The following SMOC1 variants were observed in gnomAD, a reference collection of about 807,000 sequenced individuals.
The protein encoded by SMOC1 is SPARC related modular calcium binding 1, also known as SPARC-related modular calcium-binding protein 1.
A neutral mutation model predicts 56.3 loss-of-function variants in SMOC1; 22 were observed. The ratio of observed to expected loss-of-function variants is 0.39; its 90% CI spans 0.28 to 0.56. SMOC1 has a LOEUF of 0.56. Ranked by LOEUF, SMOC1 falls within the 20% of genes least tolerant of loss-of-function variation. The pLI, the probability that SMOC1 is intolerant of heterozygous loss-of-function variation, is 0.61. For synonymous variants in SMOC1, 193 were observed against 215.0 expected (o/e 0.90, Z 0.89); for missense variants, 509 against 565.4 (o/e 0.90, Z 1.01).
rs187330303 is a variant in SMOC1, at chr14:69,974,310, G to A, written c.379-1405G>A. Among the ~76,000 whole-genome samples the A allele has an allele frequency of 5.3e-5, 8 of 152,110 alleles. No individual in the cohort carries two copies. The East Asian group carries it at 1.5e-3, about 29-fold the overall frequency. Reference sequence around the variant, plus strand: ...GCAGGGGAGGCTGGGACTGCTTTGAGGAGGTGTATCACAAAGGAGGAGGGG... The same window carrying A: ...GCAGGGGAGGCTGGGACTGCTTTGAAGAGGTGTATCACAAAGGAGGAGGGG... On this transcript the variant is annotated intron_variant, in intron 3 of 11. Transcript: ENST00000361956.
chr14:70,023,110 C>G lies in SMOC1; in HGVS notation c.1047-93C>G, dbSNP rs1277361627. On this transcript the variant is annotated intron_variant, in intron 10 of 11. Transcript: ENST00000361956. ...TTTGGCTTGGAGGAGCCGTTTCTACCTGACTTTCTGGGGGCAGTCATACCA... is the reference window on the plus strand; with the variant it reads ...TTTGGCTTGGAGGAGCCGTTTCTACGTGACTTTCTGGGGGCAGTCATACCA... 3 of 1,602,588 alleles carry G rather than the reference C, an allele frequency of 1.9e-6. No individual in the cohort carries two copies. The Admixed American group carries it at 5.0e-5, about 27-fold the overall frequency.
At chr14:69,942,981 C>T (rs1882623253) in intron 1 of SMOC1, among the ~76,000 whole-genome samples, 1 of 152,062 alleles carries the variant, frequency 6.6e-6, no homozygotes, top group Non-Finnish European at 1.5e-5. Flanking sequence ...CCCCTGGGCC[C>T]TGGCCCATCA....
chr14:69,915,115 G>T (rs1249760199), intron 1 of SMOC1, among the ~76,000 whole-genome samples: 2 of 152,100 alleles, frequency 1.3e-5, no homozygotes, highest in African/African-American at 4.8e-5. Context: ...TGATCCACCC[G>T]CTTCAGCCTC....
chr14:69,892,455 G>A (rs897945451), intron 1 of SMOC1, among the ~76,000 whole-genome samples: 6 of 152,286 alleles, frequency 3.9e-5, no homozygotes, highest in Middle Eastern at 3.4e-3. Context: ...AAGCTGTATC[G>A]GAAATGACAC....
chr14:69,904,252 G>A (rs1884347903), intron 1 of SMOC1, among the ~76,000 whole-genome samples: 1 of 152,208 alleles, frequency 6.6e-6, no homozygotes, highest in Admixed American at 6.5e-5. Context: ...CTTCTGTAAT[G>A]AACTAAACCT....
At chr14:70,022,029 T>C (rs1885744488) in intron 10 of SMOC1, among the ~76,000 whole-genome samples, 1 of 152,130 alleles carries the variant, frequency 6.6e-6, no homozygotes, top group Admixed American at 6.5e-5. Flanking sequence ...ACACTGAGGA[T>C]GTGAATGTGT....
At chr14:69,933,637 C>G (rs1395161957) in intron 1 of SMOC1, among the ~76,000 whole-genome samples, 1 of 152,026 alleles carries the variant, frequency 6.6e-6, no homozygotes, top group Admixed American at 6.5e-5. Flanking sequence ...TCAAGCGATT[C>G]TCATGTCTCA....
chr14:69,880,015 G>A (rs549925175), intron 1 of SMOC1, among the ~76,000 whole-genome samples: 1 of 152,264 alleles, frequency 6.6e-6, no homozygotes, highest in African/African-American at 2.4e-5. Context: ...AACTGTCACT[G>A]GTGGGTTTTC....
Position 69,969,352 on chromosome 14 carries a change from G to T in SMOC1, c.379-6363G>T, listed in dbSNP as rs186436747. ...CTGCAGGCTGTACAGGAAGCATGAT[G>T]CTGGCATCTACTCCGCTTCTGGAAA... On this transcript the variant is annotated intron_variant, in intron 3 of 11. Coordinates refer to ENST00000361956, the MANE Select transcript of SMOC1 (RefSeq NM_001034852.3). Among the ~76,000 whole-genome samples, 588 of 152,284 alleles carry T rather than the reference G, an allele frequency of 3.9e-3. 5 individuals carry two copies. The highest frequency in any genetic ancestry group is 6.5e-3 in the Non-Finnish European group (440 of 68,020).
At position 69,903,454 on chromosome 14, in the gene SMOC1, G is replaced by T. The variant is rs201147183; in HGVS notation, c.99+23677G>T. Among the ~76,000 whole-genome samples, 5 of 152,106 alleles carry T rather than the reference G, an allele frequency of 3.3e-5. No individual in the cohort carries two copies. The South Asian group carries it at 6.3e-4, about 19-fold the overall frequency. On this transcript the variant is annotated intron_variant, in intron 1 of 11. Transcript: ENST00000361956. ...CCATGATGACGATGGCGGTTTTGTC[G>T]AATAGAAAAGGGGGAAATGTGGGGA... is the stretch of plus-strand genomic sequence containing the variant.
intron 3 of SMOC1, 106 bp downstream of exon 3, chr14:69,953,638 T>C: frequency 1.1e-6 from 1 of 906,606 alleles, no homozygotes; most frequent in Admixed American, 1.9e-5. Context: ...TGGGAAACAG[T>C]TGAGTGAGTG....
At chr14:69,966,761 TATA>T (rs1883591818) in intron 3 of SMOC1, among the ~76,000 whole-genome samples, 3 of 152,238 alleles carry the variant, frequency 2.0e-5, no homozygotes, top group South Asian at 4.1e-4. Context: ...GCTGTCTTCC[TATA>T]ACTTCCAAGA....
intron 1 of SMOC1, among the ~76,000 whole-genome samples, chr14:69,951,764 T>C (rs995541018): frequency 6.6e-6 from 1 of 152,224 alleles, no homozygotes; most frequent in African/African-American, 2.4e-5. Flanking sequence ...AGATTTAGGT[T>C]CTAATTCAGC....
chr14:69,993,355 TTACTG>T (rs1375346339), intron 6 of SMOC1, among the ~76,000 whole-genome samples: 2 of 152,044 alleles, frequency 1.3e-5, no homozygotes, highest in African/African-American at 2.4e-5. Flanking sequence ...ACTCTAAAGT[TTACTG>T]TACTGAGTAC....
chr14:69,948,754 G>GTTAATATCATA (rs1882886693), intron 1 of SMOC1, among the ~76,000 whole-genome samples: 1 of 152,128 alleles, frequency 6.6e-6, no homozygotes. Context: ...ACTTATACGT[G>GTTAATATCATA]ACTTAGGATA....
chr14:69,981,264 C>T (rs1214763356), intron 5 of SMOC1, among the ~76,000 whole-genome samples: 3 of 152,030 alleles, frequency 2.0e-5, no homozygotes, highest in Non-Finnish European at 2.9e-5. Context: ...CCCAGATGCA[C>T]GTGCTCCAGG....
chr14:69,884,484 T>G (rs552618460), intron 1 of SMOC1, among the ~76,000 whole-genome samples: 12 of 152,198 alleles, frequency 7.9e-5, no homozygotes, highest in Non-Finnish European at 1.3e-4. Flanking sequence ...ATTTTTGCTT[T>G]TGTTGCTTGT....
Position 69,994,606 on chromosome 14 carries a change from T to G in SMOC1, c.664+126T>G, listed in dbSNP as rs878986942. On this transcript the variant is annotated intron_variant, in intron 7 of 11. Coordinates refer to ENST00000361956, the MANE Select transcript of SMOC1 (RefSeq NM_001034852.3). ...CTGTCTGGTTGTCAATTTCTATAGC[T>G]ATAAAATAAAGAGATTGGATAAGTT... 85 of 784,914 alleles carry G rather than the reference T, an allele frequency of 1.1e-4. 1 individual carries two copies. The South Asian group carries it at 1.2e-3, about 11-fold the overall frequency. 48.6% of individuals were successfully genotyped at this position (784,914 alleles called of 1,614,324 possible).
At chr14:69,969,538 CA>C (rs1362067964) in intron 3 of SMOC1, among the ~76,000 whole-genome samples, 2 of 152,090 alleles carry the variant, frequency 1.3e-5, no homozygotes, top group African/African-American at 4.8e-5. Context: ...TCGTGAAAAC[CA>C]AGGAGATGGT....
Sources: gnomAD v4.1 joint callset for allele counts (sites outside exome capture counted in the v4.1 genomes callset) on GRCh38, gnomAD v4.1.1 for gene constraint, MANE v1.5 for transcripts, NCBI Gene and HGNC (gene_info 2026-07-23, HGNC 2026-07-21) for gene names.